Variants in KCTD9 observed in about 807,000 individuals in gnomAD.
KCTD9 encodes potassium channel tetramerization domain containing 9, also known as BTB/POZ domain-containing protein KCTD9.
In KCTD9, 17 loss-of-function variants were observed where a neutral mutation model predicts 53.3. The ratio of observed to expected loss-of-function variants is 0.32; its 90% CI spans 0.22 to 0.48. The LOEUF (loss-of-function observed/expected upper bound fraction) is 0.48. Among genes scored for constraint, KCTD9 ranks in the 20% least tolerant of loss-of-function variants. The pLI is 0.99. For synonymous variants in KCTD9, 128 were observed against 162.7 expected, an observed-to-expected ratio of 0.79 and a Z score of 1.62; for missense variants, 179 against 465.5, an observed-to-expected ratio of 0.38 and a Z score of 5.66.
intron 6 of KCTD9, among the ~76,000 whole-genome samples, chr8:25,437,459 G>A (rs1177059549): frequency 2.2e-4 from 34 of 152,080 alleles, no homozygotes; most frequent in Admixed American, 8.5e-4. Flanking sequence ...TAGATCACTT[G>A]AGGTCAGGAG....
At position 25,435,354 on chromosome 8, in the gene KCTD9, G is replaced by T; in HGVS notation, c.813+9C>A. ...TTAATTTTCTCTTGTAGCCTAAAATGATACTTACGTCAAGCACTGATCCAG... is the reference window on the plus strand; with the variant it reads ...TTAATTTTCTCTTGTAGCCTAAAATTATACTTACGTCAAGCACTGATCCAG... On this transcript the variant is annotated intron_variant, in intron 9 of 11. Coordinates refer to ENST00000221200, the MANE Select transcript of KCTD9 (RefSeq NM_017634.4). The T allele has an allele frequency of 1.3e-6, 2 of 1,553,308 alleles. No homozygotes were observed. Among genetic ancestry groups the T allele is most frequent in the South Asian group, 1.2e-5 (1 of 81,972 alleles).
rs1468930956 is a variant in KCTD9, at chr8:25,436,333, T to TA, written c.568-4dup. 6.2e-7 allele frequency: 1 copy of TA among 1,609,594 alleles called. No individual in the cohort carries two copies. Among genetic ancestry groups the TA allele is most frequent in the African/African-American group, 1.3e-5 (1 of 74,902 alleles). On this transcript the variant is annotated splice_region_variant and splice_polypyrimidine_tract_variant and intron_variant, in intron 7 of 11. Transcript: ENST00000221200. ...TGATCCTCCGGTGGTTGAGAATTCT[T>TA]AAAAAAGACATTAAGAAATTAGTGG... is the stretch of plus-strand genomic sequence containing the variant.
At chr8:25,432,714 TA>T in intron 10 of KCTD9, 77 bp from the exon 11 acceptor site, 1 of 1,273,638 alleles carries the variant, frequency 7.9e-7, no homozygotes, top group South Asian at 1.5e-5. Flanking sequence ...CAAGATGACT[TA>T]ATGGAGGCCT....
At chr8:25,446,353 A>G in intron 1 of KCTD9, 103 bp from the exon 2 acceptor site, 1 of 1,324,844 alleles carries the variant, frequency 7.5e-7, no homozygotes, top group Non-Finnish European at 1.0e-6. Context: ...ATTATCATAT[A>G]AAAGGAGACT....
chr8:25,445,985 T>A, intron 2 of KCTD9, 144 bp downstream of exon 2: 1 of 1,027,240 alleles, frequency 9.7e-7, no homozygotes, highest in Admixed American at 2.7e-5. Context: ...CCCAAATGAT[T>A]TAAATTCCAA....
intron 6 of KCTD9, among the ~76,000 whole-genome samples, chr8:25,437,587 A>C (rs569475971): frequency 6.6e-6 from 1 of 152,238 alleles, no homozygotes; most frequent in East Asian, 1.9e-4. Flanking sequence ...CTGAGGCAGG[A>C]GAATGGCGTG....
chr8:25,430,010 G>A, intron 11 of KCTD9, 37 bp from the exon 12 acceptor site: 2 of 1,102,832 alleles, frequency 1.8e-6, no homozygotes, highest in Middle Eastern at 2.0e-4. Context: ...AATTCATGTG[G>A]AAATTTCAGG....
intron 3 of KCTD9, among the ~76,000 whole-genome samples, chr8:25,442,823 T>C (rs1231450181): frequency 6.6e-6 from 1 of 152,194 alleles, no homozygotes; most frequent in South Asian, 2.1e-4. Context: ...AGTAATTATA[T>C]TGGTACTGAA....
At chr8:25,441,019 A>C (rs1209398860) in intron 3 of KCTD9, among the ~76,000 whole-genome samples, 2 of 152,228 alleles carry the variant, frequency 1.3e-5, no homozygotes, top group Non-Finnish European at 2.9e-5. Flanking sequence ...AGATCATCCC[A>C]AAAGTGGGTG....
intron 9 of KCTD9, among the ~76,000 whole-genome samples, chr8:25,434,766 A>G (rs1352458773): frequency 1.3e-5 from 2 of 152,216 alleles, no homozygotes; most frequent in African/African-American, 4.8e-5. Context: ...CTTGGTGGTA[A>G]GGAACTTAAA....
rs535407307 is a variant in KCTD9 at position 25,439,399 on chromosome 8, C to T, written c.379G>A (p.Gly127Arg). The T allele has an allele frequency of 8.7e-6, 14 of 1,610,276 alleles. No individual in the cohort carries two copies. In the Middle Eastern group the frequency reaches 6.6e-4, roughly 76 times the overall value. Residue 127 changes from glycine (G) to arginine (R), a missense_variant, in exon 6 of 12, where the codon GGA (glycine) becomes AGA (arginine). Coordinates refer to ENST00000221200, the MANE Select transcript of KCTD9 (RefSeq NM_017634.4). The part of the protein sequence containing the change: ...AHMFKDKGVW[G>R]NKQDHRGAFL... ...GCTCCTCTATGATCTTGCTTATTTC[C>T]CCAGACACCTGTGTCACCATTATAA...
chr8:25,435,421 T>G lies in KCTD9; in HGVS notation c.755A>C (p.His252Pro). The G allele has an allele frequency of 6.2e-7, 1 of 1,612,256 alleles. No individual in the cohort carries two copies. The highest frequency in any genetic ancestry group is 8.5e-7 in the Non-Finnish European group (1 of 1,179,178). The change falls in exon 9 of 12, where the codon CAT becomes CCT. Residue 252 changes from histidine (H) to proline (P), a missense_variant. Physicochemically the swap from His to Pro is moderately conservative, Grantham distance 77. Coordinates refer to ENST00000221200, the MANE Select transcript of KCTD9 (RefSeq NM_017634.4). ...MANLSRCNLA[H>P]ANLCCANLER... is the part of the protein sequence containing the mutation. ...AAGATTTGCACAGCAAAGATTTGCA[T>G]GTGCAAGATTACAGCGGCTTAAATT...
At chr8:25,457,347 G>A (rs1802468180) in intron 1 of KCTD9, 2 of 984,278 alleles carry the variant, frequency 2.0e-6, no homozygotes, top group South Asian at 4.7e-5. Flanking sequence ...ATTTAGCAAC[G>A]CAATAAATGT....
chr8:25,430,704 G>A (rs528880801), intron 11 of KCTD9, among the ~76,000 whole-genome samples: 15 of 152,016 alleles, frequency 9.9e-5, no homozygotes, highest in African/African-American at 2.9e-4. Flanking sequence ...ACCAGCCCCC[G>A]ACTCTGATCT....
At position 25,441,092 on chromosome 8, in the gene KCTD9, A is replaced by G. The variant is rs534616647; in HGVS notation, c.215-419T>C. Reference sequence around the variant, plus strand: ...AATAAACTCTTAAAACCAAATGGCCAAAACTCCCTTCCATGGACAAAGCCC... The same window carrying G: ...AATAAACTCTTAAAACCAAATGGCCGAAACTCCCTTCCATGGACAAAGCCC... On this transcript the variant is annotated intron_variant, in intron 3 of 11. Transcript: ENST00000221200. Among the ~76,000 whole-genome samples the G allele has an allele frequency of 9.2e-5, 14 of 152,288 alleles. 1 individual carries two copies. The highest frequency in any genetic ancestry group is 1.9e-4 in the Non-Finnish European group (13 of 68,012).
rs554506404 is a variant in KCTD9 at position 25,457,406 on chromosome 8, G to A, written c.48+793C>T. On this transcript the variant is annotated intron_variant, in intron 1 of 11. Transcript: ENST00000221200. ...CCAAAGGAGCAGAACAACTTTCATG[G>A]GTGGGGCAAAAGGCTGGGAAGGAAG... is the stretch of plus-strand genomic sequence containing the variant. 9 of 984,024 alleles carry A rather than the reference G, an allele frequency of 9.1e-6. No individual in the cohort carries two copies. In the South Asian group the frequency reaches 3.8e-4, roughly 41 times the overall value. 61.0% of individuals were successfully genotyped at this position (984,024 alleles called of 1,614,324 possible).
intron 1 of KCTD9, among the ~76,000 whole-genome samples, chr8:25,452,658 T>G (rs1269318874): frequency 6.6e-6 from 1 of 152,198 alleles, no homozygotes; most frequent in Non-Finnish European, 1.5e-5. Flanking sequence ...CCTAGAAAAA[T>G]GCTTGCTGCT....
At chr8:25,446,428 T>C (rs537796463) in intron 1 of KCTD9, among the ~76,000 whole-genome samples, 178 bp from the exon 2 acceptor site, 23 of 152,262 alleles carry the variant, frequency 1.5e-4, no homozygotes, top group East Asian at 5.8e-4. Context: ...GTGCCTAATA[T>C]TGCCGACTCC....
chr8:25,441,873 A>T (rs146677574), intron 3 of KCTD9, among the ~76,000 whole-genome samples: 1 of 152,028 alleles, frequency 6.6e-6, no homozygotes, highest in Non-Finnish European at 1.5e-5. Context: ...ATGGTAGCAC[A>T]CATCTGCAGT....
Sources: gnomAD v4.1 joint callset for allele counts (sites outside exome capture counted in the v4.1 genomes callset) on GRCh38, gnomAD v4.1.1 for gene constraint, MANE v1.5 for transcripts, NCBI Gene and HGNC (gene_info 2026-07-23, HGNC 2026-07-21) for gene names.